Variants in MTO1 observed in about 807,000 individuals in gnomAD.
The protein encoded by MTO1 is mitochondrial tRNA translation optimization 1, also known as 5-taurinomethyluridine-[tRNA] synthase subunit MTO1, mitochondrial.
MTO1 carries 46 observed loss-of-function variants against 71.6 expected under a neutral mutation model. The ratio of observed to expected loss-of-function variants is 0.64; its 90% CI spans 0.51 to 0.82. The LOEUF is 0.82. Among genes scored for constraint, MTO1 ranks in the 40% least tolerant of loss-of-function variants. MTO1 has a pLI of 0.00. For missense variants in MTO1, 773 were observed against 867.5 expected (o/e 0.89, Z 1.37); for synonymous variants, 297 against 312.1 (o/e 0.95, Z 0.51).
At chr6:73,477,753 T>G (rs528570054) in intron 4 of MTO1, among the ~76,000 whole-genome samples, 1 of 151,924 alleles carries the variant, frequency 6.6e-6, no homozygotes, top group Non-Finnish European at 1.5e-5. Flanking sequence ...GGGATCTGCC[T>G]GCCTTGGGCC....
intron 3 of MTO1, 68 bp from the exon 4 acceptor site, chr6:73,473,297 T>C: frequency 7.1e-7 from 1 of 1,399,150 alleles, no homozygotes; most frequent in South Asian, 1.4e-5. Flanking sequence ...GATAGATAGA[T>C]AGATACATAG....
chr6:73,470,297 C>T (rs879747065), intron 3 of MTO1, among the ~76,000 whole-genome samples: 1 of 151,920 alleles, frequency 6.6e-6, no homozygotes. Flanking sequence ...ACCTCTGCCC[C>T]CCAGGTTCAA....
chr6:73,479,729 T>C lies in MTO1; in HGVS notation c.826-3T>C, dbSNP rs1243275652. On this transcript the variant is annotated splice_polypyrimidine_tract_variant and splice_region_variant and intron_variant, in intron 4 of 11. Transcript: ENST00000498286. ...AGTATTGCATCTGGTTACTGTTTTT[T>C]AGCCAGAAGATCAGCTGCCATGTTA... 1 of 1,606,064 alleles carries C rather than the reference T, an allele frequency of 6.2e-7. No homozygotes were observed. The highest frequency in any genetic ancestry group is 8.5e-7 in the Non-Finnish European group (1 of 1,175,468).
intron 11 of MTO1, among the ~76,000 whole-genome samples, chr6:73,499,209 C>G (rs900619277): frequency 1.8e-4 from 27 of 152,050 alleles, no homozygotes; most frequent in African/African-American, 6.5e-4. Flanking sequence ...TTCTTAGCAA[C>G]AGTCATCATG....
intron 4 of MTO1, among the ~76,000 whole-genome samples, chr6:73,478,483 C>G (rs938007523): frequency 1.3e-5 from 2 of 152,054 alleles, no homozygotes; most frequent in African/African-American, 4.8e-5. Context: ...TTCAAATATT[C>G]TGTTACTTTG....
chr6:73,474,292 C>T (rs746706815), intron 4 of MTO1, among the ~76,000 whole-genome samples: 1 of 151,962 alleles, frequency 6.6e-6, no homozygotes, highest in South Asian at 2.1e-4. Flanking sequence ...ACCATATTGG[C>T]CAGGCTGGTC....
rs543375623 is a variant in MTO1, at chr6:73,478,242, C to T, written c.826-1490C>T. Among the ~76,000 whole-genome samples, 8 of 135,742 alleles carry T rather than the reference C, an allele frequency of 5.9e-5. No individual in the cohort carries two copies. The East Asian group carries it at 1.8e-3, about 30-fold the overall frequency. 89.1% of individuals were successfully genotyped at this position (135,742 alleles called of 152,430 possible). On this transcript the variant is annotated intron_variant, in intron 4 of 11. Coordinates refer to ENST00000498286, the MANE Select transcript of MTO1 (RefSeq NM_012123.4). ...GCCTGGCGACAGAGCAAGACTCTGT[C>T]TCAAAAAAAAAAAAAAAAGTATATT... is the stretch of plus-strand genomic sequence containing the variant.
intron 1 of MTO1, among the ~76,000 whole-genome samples, chr6:73,464,410 C>T (rs1013680311): frequency 1.3e-5 from 2 of 152,122 alleles, no homozygotes; most frequent in Non-Finnish European, 2.9e-5. Context: ...ATCTCTTTCA[C>T]ACACACTCCT....
chr6:73,477,322 G>T (rs1298302988), intron 4 of MTO1, among the ~76,000 whole-genome samples: 2 of 147,478 alleles, frequency 1.4e-5, no homozygotes, highest in African/African-American at 2.5e-5. Context: ...CTTGAACCAG[G>T]GATGGGGAGG....
In MTO1 at chr6:73,482,546, T is replaced by G. The variant is rs2150037480; in HGVS notation, c.1563T>G (p.Ile521Met). 3.7e-6 allele frequency: 6 copies of G among 1,612,438 alleles called. No homozygotes were observed. Among genetic ancestry groups the G allele is most frequent in the Non-Finnish European group, 5.1e-6 (6 of 1,179,776 alleles). ...LEEGISVLKS[I>M]EFLSSKWKKL... Reference sequence around the variant, plus strand: ...AAGGCATTTCTGTGTTGAAATCTATTGAGTTTTTGAGCTCTAAATGGAAAA... The same window carrying G: ...AAGGCATTTCTGTGTTGAAATCTATGGAGTTTTTGAGCTCTAAATGGAAAA... The change falls in exon 9 of 12, where the codon ATT (isoleucine) becomes ATG (methionine). Residue 521 changes from isoleucine (I) to methionine (M), a missense_variant. Ile to Met is a conservative substitution (Grantham distance 10, BLOSUM62 1). Coordinates refer to ENST00000498286, the MANE Select transcript of MTO1 (RefSeq NM_012123.4).
rs553822556 is a variant in MTO1, at chr6:73,474,155, C to T, written c.825+501C>T. On this transcript the variant is annotated intron_variant, in intron 4 of 11. Coordinates refer to ENST00000498286, the MANE Select transcript of MTO1 (RefSeq NM_012123.4). ...TCACCCAGACTGGAGAGCAGTGGCA[C>T]GATCTCAGCTCACTGCAACGTCTGC... Among the ~76,000 whole-genome samples the T allele has an allele frequency of 1.1e-4, 16 of 151,850 alleles. 1 individual carries two copies. The highest frequency in any genetic ancestry group is 7.2e-4 in the Admixed American group (11 of 15,224).
intron 4 of MTO1, among the ~76,000 whole-genome samples, chr6:73,478,802 A>G (rs1771403756): frequency 6.6e-6 from 1 of 152,098 alleles, no homozygotes; most frequent in African/African-American, 2.4e-5. Context: ...TTGGCCTCCC[A>G]AAGTGCTGGG....
chr6:73,500,911 A>G lies in MTO1; in HGVS notation c.*176A>G, dbSNP rs1234132429. 2.1e-6 allele frequency: 1 copy of G among 472,774 alleles called. No homozygotes were observed. The highest frequency in any genetic ancestry group is 4.3e-5 in the Admixed American group (1 of 23,432). 29.3% of individuals were successfully genotyped at this position (472,774 alleles called of 1,614,324 possible). ...TTGTGCTTTTTCGTGTATATGAAAA[A>G]ACTAGTCGTAAACAATTTGTACTCT... On this transcript the variant is annotated 3_prime_UTR_variant, in exon 12 of 12. Coordinates refer to ENST00000498286, the MANE Select transcript of MTO1 (RefSeq NM_012123.4).
chr6:73,494,568 C>T (rs1267662191), intron 10 of MTO1, among the ~76,000 whole-genome samples: 1 of 151,686 alleles, frequency 6.6e-6, no homozygotes, highest in East Asian at 1.9e-4. Context: ...CCTCCACCTC[C>T]TGGGTTCAAA....
At position 73,479,968 on chromosome 6, in the gene MTO1, GTT is replaced by G; in HGVS notation, c.974_975del (p.Phe325SerfsTer12). 6.2e-7 allele frequency: 1 copy of G among 1,613,080 alleles called. No homozygotes were observed. Among genetic ancestry groups the G allele is most frequent in the Non-Finnish European group, 8.5e-7 (1 of 1,179,638 alleles). The stretch of plus-strand genomic sequence containing the variant: ...CCCTCCATTGAATCAAAAGTTTTGC[GTT>G]TTCCAAACCGTCTACATCAGGTTTG... On this transcript the variant is annotated frameshift_variant, in exon 6 of 12. Coordinates refer to ENST00000498286, the MANE Select transcript of MTO1 (RefSeq NM_012123.4). LOFTEE classifies it high-confidence loss of function.
At chr6:73,485,810 G>A (rs1771637124) in intron 9 of MTO1, among the ~76,000 whole-genome samples, 1 of 152,176 alleles carries the variant, frequency 6.6e-6, no homozygotes, top group African/African-American at 2.4e-5. Context: ...TTAAAATCCG[G>A]TTAAAAATAC....
At chr6:73,496,129 G>A (rs535140491) in intron 10 of MTO1, among the ~76,000 whole-genome samples, 10 of 152,306 alleles carry the variant, frequency 6.6e-5, no homozygotes, top group African/African-American at 2.4e-4. Flanking sequence ...TGATGATGAT[G>A]TACGCATAGT....
chr6:73,493,898 T>G (rs561354761), intron 10 of MTO1, among the ~76,000 whole-genome samples: 17 of 152,260 alleles, frequency 1.1e-4, no homozygotes, highest in Middle Eastern at 6.8e-3. Context: ...TGGTAGTTGC[T>G]CTGCATTTTT....
chr6:73,480,044 A>C lies in MTO1; in HGVS notation c.1047A>C (p.Leu349Phe). ...CTGACCTTATCTACCCACAGGGGTT[A>C]TCTATGACGCTACCAGCTGAGTTAC... ...MDSDLIYPQG[L>F]SMTLPAELQE... Residue 349 changes from leucine (L) to phenylalanine (F), a missense_variant, in exon 6 of 12, where the codon TTA becomes TTC. Transcript: ENST00000498286. The C allele has an allele frequency of 6.2e-7, 1 of 1,614,156 alleles. No individual in the cohort carries two copies. Among genetic ancestry groups the C allele is most frequent in the Non-Finnish European group, 8.5e-7 (1 of 1,180,012 alleles).
Sources: allele counts gnomAD v4.1 joint callset (sites outside exome capture counted in the v4.1 genomes callset), GRCh38; gene constraint gnomAD v4.1.1; transcripts MANE v1.5; gene names NCBI Gene and HGNC (gene_info 2026-07-23, HGNC 2026-07-21).